STAC: variants seen among roughly 807,000 people sequenced by gnomAD.
The protein encoded by STAC is SH3 and cysteine-rich domain-containing protein.
A neutral mutation model predicts 48.8 loss-of-function variants in STAC; 43 were observed. That is an observed-to-expected ratio of 0.88 (90% CI 0.69 to 1.14). The LOEUF is 1.14. Ranked by LOEUF, STAC falls within the 50% of genes most tolerant of loss-of-function variation. The pLI, the probability that STAC is intolerant of heterozygous loss-of-function variation, is 0.00. For missense variants in STAC, 497 were observed against 504.0 expected, an observed-to-expected ratio of 0.99 and a Z score of 0.13; for synonymous variants, 193 against 179.5, an observed-to-expected ratio of 1.07 and a Z score of -0.60.
At chr3:36,512,072 A>G (rs1267423510) in intron 8 of STAC, among the ~76,000 whole-genome samples, 1 of 152,136 alleles carries the variant, frequency 6.6e-6, no homozygotes, top group Non-Finnish European at 1.5e-5. Flanking sequence ...GTCTTTCCAG[A>G]AAAAAGTTTG....
intron 1 of STAC, among the ~76,000 whole-genome samples, chr3:36,423,643 C>T (rs1034461769): frequency 2.0e-5 from 3 of 151,936 alleles, no homozygotes; most frequent in Non-Finnish European, 4.4e-5. Context: ...AACTAGAGAC[C>T]TGATGTGAGA....
At chr3:36,536,791 T>G (rs934401079) in intron 10 of STAC, among the ~76,000 whole-genome samples, 3 of 150,704 alleles carry the variant, frequency 2.0e-5, no homozygotes, top group East Asian at 1.9e-4. Context: ...GACAAAGATC[T>G]AATATCCAGA....
intron 1 of STAC, among the ~76,000 whole-genome samples, chr3:36,420,210 G>A (rs545784604): frequency 1.3e-5 from 2 of 152,152 alleles, no homozygotes; most frequent in East Asian, 3.9e-4. Flanking sequence ...GTGTGGATCA[G>A]AAGATTAAAA....
At chr3:36,418,685 C>T (rs1206415926) in intron 1 of STAC, among the ~76,000 whole-genome samples, 1 of 139,830 alleles carries the variant, frequency 7.2e-6, no homozygotes, top group Non-Finnish European at 1.6e-5. Flanking sequence ...TGAGATTAAC[C>T]ATGGATTGAA....
At chr3:36,440,440 T>G (rs2125662759) in intron 1 of STAC, among the ~76,000 whole-genome samples, 1 of 152,332 alleles carries the variant, frequency 6.6e-6, no homozygotes, top group South Asian at 2.1e-4. Context: ...GTGGCTCTGC[T>G]TCTGGACTCT....
intron 2 of STAC, among the ~76,000 whole-genome samples, chr3:36,479,938 C>T (rs1266326348): frequency 6.6e-6 from 1 of 152,202 alleles, no homozygotes; most frequent in East Asian, 1.9e-4. Flanking sequence ...CTTTCCTCTT[C>T]AATCATTCTT....
At chr3:36,404,856 A>T in intron 1 of STAC, among the ~76,000 whole-genome samples, 1 of 152,196 alleles carries the variant, frequency 6.6e-6, no homozygotes. Context: ...GTTTGTGTAT[A>T]GAATACAAAG....
intron 1 of STAC, among the ~76,000 whole-genome samples, chr3:36,383,365 C>T (rs946467028): frequency 6.6e-6 from 1 of 151,862 alleles, no homozygotes; most frequent in Non-Finnish European, 1.5e-5. Context: ...TTAATATACA[C>T]AAAAGTAGAG....
At chr3:36,428,640 G>A (rs1405139981) in intron 1 of STAC, among the ~76,000 whole-genome samples, 1 of 152,154 alleles carries the variant, frequency 6.6e-6, no homozygotes, top group East Asian at 1.9e-4. Context: ...AGTGAGAAGT[G>A]AGAAGACCAT....
intron 1 of STAC, among the ~76,000 whole-genome samples, chr3:36,420,158 T>C (rs139215326): frequency 1.9e-4 from 29 of 152,312 alleles, no homozygotes; most frequent in African/African-American, 7.0e-4. Flanking sequence ...ATCCTTTTCC[T>C]CTTCTATCCT....
At chr3:36,420,096 T>C (rs1575186967) in intron 1 of STAC, among the ~76,000 whole-genome samples, 2 of 152,350 alleles carry the variant, frequency 1.3e-5, no homozygotes, top group East Asian at 1.9e-4. Flanking sequence ...TTTAACACTA[T>C]TGTAACTATG....
At chr3:36,528,097 A>G (rs567375634) in intron 8 of STAC, among the ~76,000 whole-genome samples, 48 of 152,346 alleles carry the variant, frequency 3.2e-4, no homozygotes, top group Non-Finnish European at 4.9e-4. Flanking sequence ...CGGGAGGTAG[A>G]TCATGGGGCT....
chr3:36,444,587 T>A (rs900634620), intron 2 of STAC, among the ~76,000 whole-genome samples: 1 of 152,246 alleles, frequency 6.6e-6, no homozygotes, highest in Non-Finnish European at 1.5e-5. Context: ...TGACTTAGTC[T>A]ACTGGCATTT....
intron 1 of STAC, among the ~76,000 whole-genome samples, chr3:36,392,565 C>A (rs1267126522): frequency 4.0e-5 from 6 of 151,750 alleles, no homozygotes; most frequent in Admixed American, 2.6e-4. Flanking sequence ...ATGAGGTCTC[C>A]CTATGTTGCC....
intron 1 of STAC, among the ~76,000 whole-genome samples, chr3:36,421,278 C>T (rs1700442079): frequency 6.6e-6 from 1 of 152,170 alleles, no homozygotes; most frequent in South Asian, 2.1e-4. Flanking sequence ...CATATGTCTA[C>T]ATTCATGTGA....
intron 2 of STAC, among the ~76,000 whole-genome samples, chr3:36,476,844 T>C (rs926525081): frequency 2.0e-5 from 3 of 152,210 alleles, no homozygotes; most frequent in Admixed American, 6.5e-5. Context: ...GACCCTTCTG[T>C]GACATGATCA....
intron 1 of STAC, among the ~76,000 whole-genome samples, chr3:36,427,522 C>A (rs1700593695): frequency 6.6e-6 from 1 of 152,150 alleles, no homozygotes; most frequent in Non-Finnish European, 1.5e-5. Flanking sequence ...TCCTGGAATT[C>A]TCTGGGAGAT....
chr3:36,545,074 AGGT>A (rs1699414307), intron 10 of STAC, among the ~76,000 whole-genome samples: 1 of 152,132 alleles, frequency 6.6e-6, no homozygotes, highest in African/African-American at 2.4e-5. Flanking sequence ...CCCTTTCACC[AGGT>A]GGGTGCACTC....
At chr3:36,439,716 T>G (rs1396242659) in intron 1 of STAC, among the ~76,000 whole-genome samples, 1 of 152,224 alleles carries the variant, frequency 6.6e-6, no homozygotes, top group Non-Finnish European at 1.5e-5. Flanking sequence ...GAAGAGGGTC[T>G]GTACTGCTCC....
Sources: allele counts gnomAD v4.1 joint callset (sites outside exome capture counted in the v4.1 genomes callset), GRCh38; gene constraint gnomAD v4.1.1; transcripts MANE v1.5; gene names NCBI Gene and HGNC (gene_info 2026-07-23, HGNC 2026-07-21).